The following PHIP variants were observed in gnomAD, a reference collection of about 807,000 sequenced individuals.
PHIP encodes PH-interacting protein.
In PHIP, 54 loss-of-function variants were observed where a neutral mutation model predicts 236.8. The observed-to-expected ratio is 0.23, with a 90% confidence interval of 0.18 to 0.29. The LOEUF (loss-of-function observed/expected upper bound fraction) is 0.29, where lower values mean the gene tolerates loss of function less well. Among genes scored for constraint, PHIP ranks in the 10% least tolerant of loss-of-function variants. The probability of loss-of-function intolerance (pLI) is 1.00; values close to 1 mark genes in which losing one functional copy is unlikely to be tolerated. For synonymous variants in PHIP, 756 were observed against 718.9 expected, an observed-to-expected ratio of 1.05 and a Z score of -0.83; for missense variants, 1,370 against 2,190.8, an observed-to-expected ratio of 0.63 and a Z score of 7.48.
intron 6 of PHIP, among the ~76,000 whole-genome samples, chr6:79,060,202 G>A (rs1174636719): frequency 6.6e-6 from 1 of 151,258 alleles, no homozygotes; most frequent in African/African-American, 2.4e-5. Context: ...CTACTAACTC[G>A]ACCTAATAAT....
chr6:79,048,884 C>T (rs1433062946), intron 6 of PHIP, among the ~76,000 whole-genome samples: 2 of 151,980 alleles, frequency 1.3e-5, no homozygotes, highest in Non-Finnish European at 1.5e-5. Flanking sequence ...ACCTGGAGAA[C>T]CAATTTTTAT....
chr6:79,067,559 A>G (rs917910527), intron 4 of PHIP: 14 of 152,228 alleles, frequency 9.2e-5, no homozygotes, highest in African/African-American at 2.4e-4. Context: ...TACTATCTCC[A>G]TTGCATGTTC....
intron 17 of PHIP, among the ~76,000 whole-genome samples, chr6:79,000,270 A>C (rs1035429657): frequency 1.3e-5 from 2 of 152,074 alleles, no homozygotes; most frequent in African/African-American, 4.8e-5. Context: ...TTACAAAGCC[A>C]GTATTATTGC....
chr6:78,968,489 G>C (rs899757267), intron 27 of PHIP, among the ~76,000 whole-genome samples: 14 of 152,174 alleles, frequency 9.2e-5, no homozygotes, highest in Non-Finnish European at 2.1e-4. Flanking sequence ...TTTTCACATC[G>C]GGGGGTTCCG....
At chr6:79,025,116 C>G (rs1771331082) in intron 9 of PHIP, among the ~76,000 whole-genome samples, 1 of 152,030 alleles carries the variant, frequency 6.6e-6, no homozygotes, top group African/African-American at 2.4e-5. Context: ...TTTCCTAGAT[C>G]TAAAATAAAA....
chr6:79,077,962 G>C, intron 1 of PHIP, 49 bp from the exon 2 acceptor site: 1 of 1,586,888 alleles, frequency 6.3e-7, no homozygotes, highest in Non-Finnish European at 8.6e-7. Flanking sequence ...GCGGTCGGGC[G>C]GCGGGGGGCG....
intron 7 of PHIP, among the ~76,000 whole-genome samples, chr6:79,042,335 G>A (rs1004112802): frequency 6.6e-6 from 1 of 151,888 alleles, no homozygotes; most frequent in African/African-American, 2.4e-5. Context: ...GAACTGTTAA[G>A]AATAACAGGT....
intron 35 of PHIP, 95 bp from the exon 36 acceptor site, chr6:78,947,870 A>C (rs748189008): frequency 3.5e-5 from 27 of 771,984 alleles, no homozygotes; most frequent in Non-Finnish European, 5.6e-5. Context: ...TGATGACTGC[A>C]AGTCCTAGAA....
intron 4 of PHIP, among the ~76,000 whole-genome samples, chr6:79,074,543 T>TA (rs1311444997): frequency 1.3e-5 from 2 of 152,230 alleles, no homozygotes; most frequent in South Asian, 2.1e-4. Context: ...TCTCATATTT[T>TA]AAAAAATGTA....
chr6:79,043,160 T>C (rs577824212), intron 6 of PHIP, among the ~76,000 whole-genome samples, 157 bp from the exon 7 acceptor site: 15 of 152,250 alleles, frequency 9.9e-5, no homozygotes, highest in Admixed American at 2.0e-4. Flanking sequence ...TTTAAAGTAA[T>C]GAATAAAAAC....
chr6:79,016,663 T>TC, intron 12 of PHIP, 21 bp from the exon 13 acceptor site: 1 of 1,475,998 alleles, frequency 6.8e-7, no homozygotes, highest in Non-Finnish European at 9.4e-7. Flanking sequence ...AGGAATCCGA[T>TC]CCCCCAAAGA....
chr6:79,030,972 C>A (rs934848240), intron 7 of PHIP, among the ~76,000 whole-genome samples: 2 of 151,884 alleles, frequency 1.3e-5, no homozygotes, highest in Non-Finnish European at 2.9e-5. Context: ...GAGACGAAGT[C>A]TTCCTCTGTC....
chr6:79,072,571 C>T (rs1344771466), intron 4 of PHIP, among the ~76,000 whole-genome samples: 1 of 152,096 alleles, frequency 6.6e-6, no homozygotes, highest in Non-Finnish European at 1.5e-5. Flanking sequence ...CAGCTTCAAC[C>T]TCCCTGGGCT....
chr6:78,935,511 T>C lies in PHIP; in HGVS notation c.*5182A>G. On this transcript the variant is annotated 3_prime_UTR_variant, in exon 40 of 40. Coordinates refer to ENST00000275034, the MANE Select transcript of PHIP (RefSeq NM_017934.7). ...TTATGCAAAGTGTTCCACTGAAATG[T>C]ATCTCTTACGAAAGTATCTGAATAG... 1 of 979,064 alleles carries C rather than the reference T, an allele frequency of 1.0e-6. No individual in the cohort carries two copies. The highest frequency in any genetic ancestry group is 1.2e-6 in the Non-Finnish European group (1 of 824,156). The allele number at this position is 979,064 out of a possible 1,614,324, so 60.6% of individuals were successfully genotyped here. A position where few individuals can be genotyped will look rare whatever the true frequency, so the allele number is the denominator to read the frequency against.
intron 24 of PHIP, among the ~76,000 whole-genome samples, chr6:78,971,888 G>A (rs1193114514): frequency 2.6e-5 from 4 of 152,180 alleles, no homozygotes. Flanking sequence ...ACCCCACGGA[G>A]TCTCGCTGAT....
intron 6 of PHIP, among the ~76,000 whole-genome samples, chr6:79,060,235 C>T (rs1482872414): frequency 6.6e-6 from 1 of 152,008 alleles, no homozygotes; most frequent in Non-Finnish European, 1.5e-5. Flanking sequence ...ATGGAACTTT[C>T]GTAAAAATAA....
chr6:78,998,227 T>C, intron 18 of PHIP, 27 bp downstream of exon 18: 2 of 1,583,066 alleles, frequency 1.3e-6, no homozygotes, highest in South Asian at 2.2e-5. Context: ...TTTTAAATAT[T>C]TCACTTAAAA....
intron 9 of PHIP, among the ~76,000 whole-genome samples, chr6:79,021,693 G>T (rs936679265): frequency 6.6e-6 from 1 of 152,172 alleles, no homozygotes; most frequent in African/African-American, 2.4e-5. Context: ...TTGAATTCAT[G>T]AGATAGTAGA....
At chr6:78,953,877 C>T (rs1353199586) in intron 35 of PHIP, among the ~76,000 whole-genome samples, 2 of 151,994 alleles carry the variant, frequency 1.3e-5, no homozygotes, top group African/African-American at 4.8e-5. Flanking sequence ...TAAGACACCA[C>T]GCCCGACCCC....
Sources: allele counts gnomAD v4.1 joint callset (sites outside exome capture counted in the v4.1 genomes callset), GRCh38; gene constraint gnomAD v4.1.1; transcripts MANE v1.5; gene names NCBI Gene and HGNC (gene_info 2026-07-23, HGNC 2026-07-21).